PBRM1: variants seen among roughly 807,000 people sequenced by gnomAD.
PBRM1 encodes the protein polybromo 1.
In PBRM1, 27 loss-of-function variants were observed where a neutral mutation model predicts 194.5. The ratio of observed to expected loss-of-function variants is 0.14; its 90% CI spans 0.10 to 0.19. PBRM1 has a LOEUF of 0.19. PBRM1 is among the 10% of genes least tolerant of loss of function. PBRM1 has a pLI of 1.00. For synonymous variants in PBRM1, 655 were observed against 693.2 expected (o/e 0.94, Z 0.87); for missense variants, 1,466 against 2,077.2 (o/e 0.71, Z 5.72).
chr3:52,550,758 A>G, exon 28 of PBRM1: 1 of 1,611,586 alleles, frequency 6.2e-7, no homozygotes, highest in Middle Eastern at 1.7e-4. Context: ...TGTTGTCCAT[A>G]TGGACTTCCA....
intron 11 of PBRM1, among the ~76,000 whole-genome samples, chr3:52,630,696 G>T (rs979656895): frequency 6.6e-6 from 1 of 152,160 alleles, no homozygotes; most frequent in Non-Finnish European, 1.5e-5. Flanking sequence ...CAGAACTTTA[G>T]TGTGCTGGGC....
At chr3:52,640,526 C>T (rs13081031) in intron 10 of PBRM1, among the ~76,000 whole-genome samples, 51,968 of 151,888 alleles carry the variant, frequency 0.34, 9,900 homozygotes, top group Admixed American at 0.46. Flanking sequence ...CCACCTAGGC[C>T]TCCCAAAGTG....
chr3:52,571,899 G>A lies in PBRM1; in HGVS notation c.3691+4642C>T, dbSNP rs187137760. Among the ~76,000 whole-genome samples the A allele has an allele frequency of 3.9e-3, 564 of 142,906 alleles. 4 individuals carry two copies. The highest frequency in any genetic ancestry group is 0.023 in the South Asian group (104 of 4,560). The allele number at this position is 142,906 out of a possible 152,430, so 93.8% of individuals were successfully genotyped here. On this transcript the variant is annotated intron_variant, in intron 22 of 29. Coordinates refer to ENST00000296302, the Ensembl canonical transcript of PBRM1. ...AAAAAAAAAAAAAAATTAGCTGGGAGTGGTGGTACATCCCTATAGTCCCAG... is the reference window on the plus strand; with the variant it reads ...AAAAAAAAAAAAAAATTAGCTGGGAATGGTGGTACATCCCTATAGTCCCAG...
chr3:52,682,160 G>C (rs1035205519), upstream of PBRM1: 14 of 152,274 alleles, frequency 9.2e-5, no homozygotes, highest in African/African-American at 3.4e-4. Context: ...AATAAGAGCA[G>C]AGTTCAATCA....
intron 6 of PBRM1, among the ~76,000 whole-genome samples, chr3:52,650,384 C>CAA (rs1483044017): frequency 3.1e-4 from 36 of 115,684 alleles, no homozygotes; most frequent in Admixed American, 7.2e-4. Context: ...AAAAAAAACC[C>CAA]TAAAAAAAAA....
intron 16 of PBRM1, among the ~76,000 whole-genome samples, chr3:52,605,646 A>G (rs1387450471): frequency 1.4e-5 from 2 of 146,728 alleles, no homozygotes; most frequent in East Asian, 4.0e-4. Context: ...CTTGTTGCCC[A>G]GGCTGGAGTA....
chr3:52,657,799 A>G (rs531592531), intron 5 of PBRM1, among the ~76,000 whole-genome samples: 1 of 115,346 alleles, frequency 8.7e-6, no homozygotes, highest in Non-Finnish European at 1.8e-5. Flanking sequence ...TTTTTTTTTT[A>G]AATTTGAGAC....
chr3:52,592,818 C>T (rs1332704961), intron 17 of PBRM1, among the ~76,000 whole-genome samples: 2 of 152,174 alleles, frequency 1.3e-5, no homozygotes, highest in Non-Finnish European at 2.9e-5. Context: ...CTATACATTA[C>T]TAATTCAATC....
chr3:52,679,792 C>A, upstream of PBRM1: 1 of 1,236,116 alleles, frequency 8.1e-7, no homozygotes, highest in South Asian at 1.5e-5. Context: ...TTCAGCTGGA[C>A]ACCTGCTACC....
chr3:52,557,337 GA>G (rs1410393365), intron 26 of PBRM1, among the ~76,000 whole-genome samples: 1 of 152,120 alleles, frequency 6.6e-6, no homozygotes, highest in Non-Finnish European at 1.5e-5. Flanking sequence ...AAGCAAAAAC[GA>G]AACAGCAAAA....
chr3:52,663,785 C>A (rs1421569237), intron 3 of PBRM1, among the ~76,000 whole-genome samples: 1 of 150,738 alleles, frequency 6.6e-6, no homozygotes, highest in Non-Finnish European at 1.5e-5. Context: ...GGTGGCCAGG[C>A]GTGGTGGCTC....
At chr3:52,586,294 T>G (rs1421550263) in intron 20 of PBRM1, 131 bp downstream of exon 22, 3 of 753,934 alleles carry the variant, frequency 4.0e-6, no homozygotes, top group Non-Finnish European at 6.5e-6. Flanking sequence ...CTGTTATAGT[T>G]TCCTTCTTCC....
intron 3 of PBRM1, among the ~76,000 whole-genome samples, chr3:52,665,322 T>C (rs905477574): frequency 2.2e-5 from 3 of 137,554 alleles, no homozygotes; most frequent in African/African-American, 5.0e-5. Flanking sequence ...GCTCAGCCAA[T>C]TAAAACAATT....
chr3:52,642,047 T>TAA lies in PBRM1; in HGVS notation c.996-3_996-2insTT. 1 of 1,352,220 alleles carries TAA rather than the reference T, an allele frequency of 7.4e-7. No homozygotes were observed. The highest frequency in any genetic ancestry group is 1.0e-6 in the Non-Finnish European group (1 of 969,814). The allele number at this position is 1,352,220 out of a possible 1,614,324, so 83.8% of individuals were successfully genotyped here. On this transcript the variant is annotated splice_polypyrimidine_tract_variant and splice_region_variant and intron_variant, in intron 9 of 29. Transcript: ENST00000296302. ...CCTCCTTGTACTGCTCTTTTATTAC[T>TAA]ACAAAAAAAAAAAAAGCAATTAGAC...
chr3:52,631,789 T>C (rs901555272), intron 11 of PBRM1, among the ~76,000 whole-genome samples: 5 of 152,188 alleles, frequency 3.3e-5, no homozygotes, highest in South Asian at 4.1e-4. Flanking sequence ...TACCAAAAAG[T>C]CTAAGAATTT....
At position 52,631,506 on chromosome 3, in the gene PBRM1, T is replaced by C. The variant is rs530769899; in HGVS notation, c.1302-2471A>G. Among the ~76,000 whole-genome samples, 14 of 152,270 alleles carry C rather than the reference T, an allele frequency of 9.2e-5. No homozygotes were observed. The East Asian group carries it at 2.7e-3, about 29-fold the overall frequency. On this transcript the variant is annotated intron_variant, in intron 11 of 29. Transcript: ENST00000296302. ...TTGACTCTATCTGGGTATTCTACTA[T>C]AAAGCATCATATTTTATAATATTAC...
rs1236239913 is a variant in PBRM1, at chr3:52,557,511, T to C, written c.4453+738A>G. On this transcript the variant is annotated intron_variant, in intron 26 of 29. Coordinates refer to ENST00000296302, the Ensembl canonical transcript of PBRM1. ...CGAGAAGTGGTCTGCAGACTTCTCA[T>C]TGGAGACATGTCAGACAAAGATATT... Among the ~76,000 whole-genome samples, 7 of 152,136 alleles carry C rather than the reference T, an allele frequency of 4.6e-5. 1 individual carries two copies. Among genetic ancestry groups the C allele is most frequent in the Admixed American group, 2.0e-4 (3 of 15,274 alleles).
intron 15 of PBRM1, among the ~76,000 whole-genome samples, chr3:52,614,493 C>A (rs1042852216): frequency 6.7e-6 from 1 of 149,154 alleles, no homozygotes. Context: ...TTATTTACAT[C>A]ATTTTAAAGA....
At chr3:52,632,189 T>C (rs1188585860) in intron 11 of PBRM1, among the ~76,000 whole-genome samples, 1 of 152,206 alleles carries the variant, frequency 6.6e-6, no homozygotes, top group Non-Finnish European at 1.5e-5. Context: ...TCATGAATTT[T>C]GTGTCTGTCT....
Sources: gnomAD v4.1 joint callset for allele counts (sites outside exome capture counted in the v4.1 genomes callset) on GRCh38, gnomAD v4.1.1 for gene constraint, MANE v1.5 for transcripts, NCBI Gene and HGNC (gene_info 2026-07-23, HGNC 2026-07-21) for gene names.